Variants in BEND3 observed in about 807,000 individuals in gnomAD.
The protein encoded by BEND3 is BEN domain containing 3.
Under a neutral mutation model 60.1 loss-of-function variants are expected in BEND3, and 13 were observed. The ratio of observed to expected loss-of-function variants is 0.22; its 90% confidence interval spans 0.14 to 0.34. The LOEUF (loss-of-function observed/expected upper bound fraction) is 0.34, where lower values mean the gene tolerates loss of function less well. Among genes scored for constraint, BEND3 ranks in the 10% least tolerant of loss-of-function variants. BEND3 has a pLI of 1.00. For missense variants in BEND3, 896 were observed against 1,138.1 expected (o/e 0.79, Z 3.06); for synonymous variants, 497 against 491.5 (o/e 1.01, Z -0.15).
intron 1 of BEND3, chr6:107,114,467 G>T (rs1321876332): frequency 3.3e-5 from 5 of 151,344 alleles, no homozygotes; most frequent in Admixed American, 6.6e-5. Flanking sequence ...GCCGCGGGCC[G>T]GCCTCGCTCC....
At chr6:107,095,008 A>T (rs373930690) in intron 3 of BEND3, among the ~76,000 whole-genome samples, 1 of 151,872 alleles carries the variant, frequency 6.6e-6, no homozygotes, top group South Asian at 2.1e-4. Context: ...TTTTTTGTAG[A>T]GACAAGGTTT....
rs564224462 is a variant in BEND3, at chr6:107,112,707, GC to G, written c.-12+2382del. Among the ~76,000 whole-genome samples the G allele has an allele frequency of 2.6e-5, 4 of 152,144 alleles. No individual in the cohort carries two copies. In the South Asian group the frequency reaches 8.3e-4, roughly 32 times the overall value. ...CCTCTCTACTAAAAATACAAAACTA[GC>G]CGGGCATGGTGGCGCGCGCCTATAA... On this transcript the variant is annotated intron_variant, in intron 1 of 3. Transcript: ENST00000369042.
intron 1 of BEND3, among the ~76,000 whole-genome samples, chr6:107,108,505 T>C (rs1398990561): frequency 3.3e-5 from 5 of 152,138 alleles, no homozygotes; most frequent in African/African-American, 4.8e-5. Flanking sequence ...ATAAGCTGAG[T>C]TTCCGCTGCA....
rs1554231306 is a variant in BEND3 at position 107,069,032 on chromosome 6, A to T, written c.2159T>A (p.Leu720Gln). The change falls in exon 4 of 4, where the codon CTG (leucine) becomes CAG (glutamine). Residue 720 changes from leucine (L) to glutamine (Q), a missense_variant. Around this residue, in one of 4 missense-constraint regions of BEND3, gnomAD observed 846 missense variants for 1,036.7 expected, o/e 0.82. Transcript: ENST00000369042. Reference protein sequence around the residue: ...SPDFPVPSPYLLSDKEVREIV... With the variant: ...SPDFPVPSPYQLSDKEVREIV... ...CTCACGCACCTCCTTGTCAGACAGC[A>T]GGTAGGGAGAAGGCACCGGGAAGTC... 1 of 1,613,688 alleles carries T rather than the reference A, an allele frequency of 6.2e-7. No individual in the cohort carries two copies. Among genetic ancestry groups the T allele is most frequent in the Admixed American group, 1.7e-5 (1 of 60,012 alleles).
At chr6:107,113,787 CTGCAAGGG>C (rs1770180819) in intron 1 of BEND3, 1 of 152,064 alleles carries the variant, frequency 6.6e-6, no homozygotes, top group Non-Finnish European at 1.5e-5. Context: ...GAAAAACGGA[CTGCAAGGG>C]TGGAAGTGGG....
intron 1 of BEND3, among the ~76,000 whole-genome samples, chr6:107,106,437 TC>T (rs1488624650): frequency 1.3e-5 from 2 of 152,090 alleles, no homozygotes; most frequent in Non-Finnish European, 2.9e-5. Context: ...CTTTCCCTCT[TC>T]CTGCTAAGCT....
chr6:107,077,718 C>T (rs1313503393), intron 3 of BEND3, among the ~76,000 whole-genome samples: 2 of 152,078 alleles, frequency 1.3e-5, no homozygotes, highest in African/African-American at 4.8e-5. Flanking sequence ...GTGCCCAGTT[C>T]GGAATCACGC....
intron 1 of BEND3, 31 bp downstream of exon 1, chr6:107,115,059 G>GCGCGGCCGGCTTGATCCGCCC (rs1770236088): frequency 6.7e-6 from 1 of 148,798 alleles, no homozygotes; most frequent in Non-Finnish European, 1.5e-5. Context: ...TGCCGCCGCC[G>GCGCGGCCGGCTTGATCCGCCC]CGCGGCCGGC....
At chr6:107,097,047 G>A (rs1356881818) in intron 3 of BEND3, among the ~76,000 whole-genome samples, 2 of 151,966 alleles carry the variant, frequency 1.3e-5, no homozygotes, top group East Asian at 1.9e-4. Flanking sequence ...TTGGTGAAAG[G>A]TATAGTATGT....
At chr6:107,114,977 C>G (rs1433855782) in intron 1 of BEND3, 113 bp downstream of exon 1, 1 of 148,558 alleles carries the variant, frequency 6.7e-6, no homozygotes, top group East Asian at 2.0e-4. Context: ...GTCCCCTCCC[C>G]TGCTCCCGCC....
At chr6:107,071,134 AC>A (rs1257261591) in intron 3 of BEND3, among the ~76,000 whole-genome samples, 184 bp from the exon 4 acceptor site, 1 of 152,104 alleles carries the variant, frequency 6.6e-6, no homozygotes, top group Non-Finnish European at 1.5e-5. Flanking sequence ...CATCCCCACC[AC>A]CCCAAACCTG....
At chr6:107,105,729 C>T (rs191411329) in intron 1 of BEND3, among the ~76,000 whole-genome samples, 62 of 152,342 alleles carry the variant, frequency 4.1e-4, no homozygotes, top group African/African-American at 1.3e-3. Flanking sequence ...TTCCAGCCAG[C>T]TGACTCCGGA....
chr6:107,092,520 G>T (rs1554235383), intron 3 of BEND3, among the ~76,000 whole-genome samples: 1 of 152,160 alleles, frequency 6.6e-6, no homozygotes, highest in Non-Finnish European at 1.5e-5. Flanking sequence ...AGCTAACATT[G>T]TACTTAATGG....
Position 107,069,162 on chromosome 6 carries a change from G to T in BEND3, c.2029C>A (p.Pro677Thr), listed in dbSNP as rs988773220. The change falls in exon 4 of 4, where the codon CCC becomes ACC. Residue 677 changes from proline (P) to threonine (T), a missense_variant. By Grantham distance (38) the Pro-to-Thr change is conservative. Around this residue, in one of 4 missense-constraint regions of BEND3, gnomAD observed 846 missense variants for 1,036.7 expected, o/e 0.82. Transcript: ENST00000369042. Reference sequence around the variant, plus strand: ...TCAAACTCCTCCCGGAACCTCTCGGGGTTGATTGCATAGCTGGTCAAGTCT... The same window carrying T: ...TCAAACTCCTCCCGGAACCTCTCGGTGTTGATTGCATAGCTGGTCAAGTCT... ...CRDLTSYAINPERFREEFEGP... is the reference protein window; with the variant it reads ...CRDLTSYAINTERFREEFEGP... The T allele has an allele frequency of 1.2e-5, 19 of 1,612,568 alleles. No individual in the cohort carries two copies. In the Admixed American group the frequency reaches 3.2e-4, roughly 27 times the overall value.
Position 107,069,235 on chromosome 6 carries a change from G to A in BEND3, c.1956C>T (p.Arg652=). The change falls in exon 4 of 4, where the codon CGC becomes CGT. Residue 652 remains arginine (R), a synonymous_variant. Transcript: ENST00000369042. The stretch of plus-strand genomic sequence containing the variant: ...GGACCTTGCGCTGCTGCTGGTAGGA[G>A]CGCCTTTGCTCCGTGTCCCGGCGCC... ...RCRRRDTEQR[R]SYQQQRKVHV... The A allele has an allele frequency of 6.2e-7, 1 of 1,612,132 alleles. No individual in the cohort carries two copies. Among genetic ancestry groups the A allele is most frequent in the Non-Finnish European group, 8.5e-7 (1 of 1,179,726 alleles).
intron 1 of BEND3, 85 bp from the exon 2 acceptor site, chr6:107,099,381 C>A: frequency 8.6e-7 from 1 of 1,165,732 alleles, no homozygotes; most frequent in Non-Finnish European, 1.3e-6. Context: ...TCCTCTTACC[C>A]TCCCAACCCC....
At chr6:107,108,187 C>T (rs2115037738) in intron 1 of BEND3, among the ~76,000 whole-genome samples, 1 of 152,354 alleles carries the variant, frequency 6.6e-6, no homozygotes, top group African/African-American at 2.4e-5. Flanking sequence ...AGAGCACAAC[C>T]TCATCTTCCG....
rs1313983205 is a variant in BEND3 at position 107,099,409 on chromosome 6, C to G, written c.-11-113G>C. ...CCAACCCCAGCTCTAGGTAACAGAGCAGCACAGCACTGTGGAAGCTATGTG... is the reference window on the plus strand; with the variant it reads ...CCAACCCCAGCTCTAGGTAACAGAGGAGCACAGCACTGTGGAAGCTATGTG... On this transcript the variant is annotated intron_variant, in intron 1 of 3. Coordinates refer to ENST00000369042, the MANE Select transcript of BEND3 (RefSeq NM_001367314.1). 3 of 844,870 alleles carry G rather than the reference C, an allele frequency of 3.6e-6. No homozygotes were observed. In the African/African-American group the frequency reaches 5.0e-5, roughly 14 times the overall value. 52.3% of individuals were successfully genotyped at this position (844,870 alleles called of 1,614,324 possible). A position where few individuals can be genotyped will look rare whatever the true frequency, so the allele number is the denominator to read the frequency against.
At chr6:107,075,363 A>G (rs1297141451) in intron 3 of BEND3, among the ~76,000 whole-genome samples, 2 of 152,360 alleles carry the variant, frequency 1.3e-5, no homozygotes, top group Non-Finnish European at 2.9e-5. Flanking sequence ...ATGTCTAAAT[A>G]CTTATTTACA....
Sources: gnomAD v4.1 joint callset for allele counts (sites outside exome capture counted in the v4.1 genomes callset) on GRCh38, gnomAD v4.1.1 for gene constraint, gnomAD v4.1.1 regional missense constraint, MANE v1.5 for transcripts, NCBI Gene and HGNC (gene_info 2026-07-23, HGNC 2026-07-21) for gene names.